LAMA2: variants seen among roughly 807,000 people sequenced by gnomAD.
LAMA2 encodes the protein laminin subunit alpha-2.
LAMA2 carries 269 observed loss-of-function variants against 364.8 expected under a neutral mutation model. The ratio of observed to expected loss-of-function variants is 0.74; its 90% CI spans 0.67 to 0.82. The LOEUF (loss-of-function observed/expected upper bound fraction) is 0.82. Ranked by LOEUF, LAMA2 falls within the 40% of genes least tolerant of loss-of-function variation. LAMA2 has a pLI of 0.00. For synonymous variants in LAMA2, 1,379 were observed against 1,370.6 expected (o/e 1.01, Z -0.14); for missense variants, 3,807 against 3,873.2 (o/e 0.98, Z 0.45).
intron 1 of LAMA2, among the ~76,000 whole-genome samples, chr6:128,994,267 G>A (rs1254474259): frequency 6.6e-6 from 1 of 152,202 alleles, no homozygotes; most frequent in African/African-American, 2.4e-5. Flanking sequence ...TCAGTTTACA[G>A]CTAGCTAGAC....
chr6:129,227,673 G>A (rs970474288), intron 12 of LAMA2, among the ~76,000 whole-genome samples: 1 of 152,178 alleles, frequency 6.6e-6, no homozygotes, highest in Non-Finnish European at 1.5e-5. Flanking sequence ...GTTGCCGCCT[G>A]ATCGTTCCTC....
intron 20 of LAMA2, among the ~76,000 whole-genome samples, chr6:129,293,532 G>A (rs1789868105): frequency 6.6e-6 from 1 of 152,168 alleles, no homozygotes; most frequent in Admixed American, 6.5e-5. Context: ...GTGCTTATGT[G>A]TACAACAAAT....
At position 129,401,282 on chromosome 6, in the gene LAMA2, G is replaced by A. The variant is rs770335935; in HGVS notation, c.5504G>A (p.Gly1835Asp). 1.2e-6 allele frequency: 2 copies of A among 1,612,908 alleles called. No individual in the cohort carries two copies. The highest frequency in any genetic ancestry group is 2.2e-5 in the South Asian group (2 of 91,040). Residue 1835 changes from glycine to aspartate, a missense_variant, in exon 38 of 65, where the codon GGC becomes GAC. Transcript: ENST00000421865. ...KRQIENTLKE[G>D]NDILDEANRL... ...CAAATTGAGAACACTTTAAAAGAGG[G>A]CAATGACATACTCGATGAAGCCAAC... is the stretch of plus-strand genomic sequence containing the variant.
intron 19 of LAMA2, among the ~76,000 whole-genome samples, chr6:129,289,701 G>T (rs1285059774): frequency 6.6e-6 from 1 of 151,556 alleles, no homozygotes; most frequent in East Asian, 1.9e-4. Flanking sequence ...ATTATTATGG[G>T]ATTATTTTAT....
chr6:128,900,679 G>A (rs139431775), intron 1 of LAMA2, among the ~76,000 whole-genome samples: 2 of 152,316 alleles, frequency 1.3e-5, no homozygotes, highest in East Asian at 3.9e-4. Flanking sequence ...AGTGAGGATT[G>A]TAGGAGTTTA....
intron 1 of LAMA2, among the ~76,000 whole-genome samples, chr6:128,957,128 T>C (rs1221243276): frequency 6.6e-6 from 1 of 152,150 alleles, no homozygotes; most frequent in Non-Finnish European, 1.5e-5. Flanking sequence ...AAATTAAGAA[T>C]GTTTTTCCAA....
intron 1 of LAMA2, among the ~76,000 whole-genome samples, 175 bp downstream of exon 1, chr6:128,883,532 A>G (rs1309523058): frequency 6.6e-6 from 1 of 151,990 alleles, no homozygotes; most frequent in Non-Finnish European, 1.5e-5. Flanking sequence ...ATGAGAGCGT[A>G]GTGTAGGGGG....
intron 12 of LAMA2, among the ~76,000 whole-genome samples, chr6:129,196,745 G>A (rs550812892): frequency 1.3e-5 from 2 of 152,104 alleles, no homozygotes; most frequent in African/African-American, 4.8e-5. Context: ...AAAGTAAATA[G>A]GATAAATCAA....
chr6:129,267,736 A>G (rs968094155), intron 16 of LAMA2, among the ~76,000 whole-genome samples: 1 of 152,166 alleles, frequency 6.6e-6, no homozygotes, highest in African/African-American at 2.4e-5. Flanking sequence ...AACAATATGT[A>G]ATACATATTC....
intron 12 of LAMA2, among the ~76,000 whole-genome samples, chr6:129,221,134 G>C (rs1183376285): frequency 6.8e-6 from 1 of 147,988 alleles, no homozygotes; most frequent in Non-Finnish European, 1.5e-5. Context: ...CTGCACTCCA[G>C]CCTGGGAGAC....
intron 4 of LAMA2, among the ~76,000 whole-genome samples, chr6:129,136,499 A>G (rs2114945864): frequency 6.6e-6 from 1 of 152,204 alleles, no homozygotes; most frequent in Middle Eastern, 3.4e-3. Flanking sequence ...ACTCTGATAC[A>G]ACATGAGAGA....
intron 8 of LAMA2, among the ~76,000 whole-genome samples, chr6:129,162,133 T>C (rs2114988383): frequency 6.6e-6 from 1 of 152,334 alleles, no homozygotes; most frequent in East Asian, 1.9e-4. Flanking sequence ...GTATAAGTGT[T>C]CCCTTTCTCT....
chr6:129,032,215 A>G (rs1294061506), intron 1 of LAMA2, among the ~76,000 whole-genome samples: 1 of 152,246 alleles, frequency 6.6e-6, no homozygotes, highest in Non-Finnish European at 1.5e-5. Context: ...AAACATACAT[A>G]GTCTCTCCCA....
At chr6:129,051,852 G>A (rs1192537706) in intron 2 of LAMA2, among the ~76,000 whole-genome samples, 1 of 151,792 alleles carries the variant, frequency 6.6e-6, no homozygotes, top group Non-Finnish European at 1.5e-5. Flanking sequence ...AAAATTTCAT[G>A]AAGAATATGA....
intron 40 of LAMA2, among the ~76,000 whole-genome samples, chr6:129,410,462 A>T (rs1048468503): frequency 6.6e-6 from 1 of 152,144 alleles, no homozygotes; most frequent in African/African-American, 2.4e-5. Context: ...TTACTCACAC[A>T]TACACTCACA....
At chr6:129,297,536 G>T (rs926107039) in intron 20 of LAMA2, 149 bp from the exon 21 acceptor site, 12 of 717,954 alleles carry the variant, frequency 1.7e-5, no homozygotes, top group Non-Finnish European at 2.7e-5. Context: ...CCATTTGATT[G>T]AATGAAAACC....
intron 54 of LAMA2, 111 bp from the exon 55 acceptor site, chr6:129,481,152 A>G (rs973523148): frequency 3.0e-5 from 25 of 833,558 alleles, no homozygotes; most frequent in South Asian, 1.5e-4. Flanking sequence ...TTCTAAACCT[A>G]TGATGTATTT....
chr6:129,079,263 AT>A (rs746048395), intron 3 of LAMA2, among the ~76,000 whole-genome samples: 2 of 152,070 alleles, frequency 1.3e-5, no homozygotes, highest in African/African-American at 4.8e-5. Flanking sequence ...ATATTGTTGT[AT>A]TTTTTATTAG....
At chr6:129,288,686 A>G (rs1403593926) in intron 19 of LAMA2, among the ~76,000 whole-genome samples, 2 of 152,186 alleles carry the variant, frequency 1.3e-5, no homozygotes, top group African/African-American at 4.8e-5. Flanking sequence ...CCATATTAGT[A>G]TAATACATTT....
Sources: gnomAD v4.1 joint callset for allele counts (sites outside exome capture counted in the v4.1 genomes callset) on GRCh38, gnomAD v4.1.1 for gene constraint, MANE v1.5 for transcripts, NCBI Gene and HGNC (gene_info 2026-07-23, HGNC 2026-07-21) for gene names.